Variants in CNTNAP2 observed in about 807,000 individuals in gnomAD.
CNTNAP2 encodes the protein contactin associated protein 2.
In CNTNAP2, 98 loss-of-function variants were observed where a neutral mutation model predicts 155.2. That is an observed-to-expected ratio of 0.63 (90% CI 0.54 to 0.75). The LOEUF (loss-of-function observed/expected upper bound fraction) is 0.75. Among genes scored for constraint, CNTNAP2 ranks in the 30% least tolerant of loss-of-function variants. CNTNAP2 has a pLI of 0.00. For missense variants in CNTNAP2, 1,727 were observed against 1,688.1 expected (o/e 1.02, Z -0.40); for synonymous variants, 651 against 631.2 (o/e 1.03, Z -0.47).
At chr7:147,447,777 A>G (rs761663638) in intron 10 of CNTNAP2, among the ~76,000 whole-genome samples, 52 of 151,830 alleles carry the variant, frequency 3.4e-4, no homozygotes, top group Admixed American at 2.8e-3. Flanking sequence ...ATATTCTACA[A>G]TGAATATATG....
chr7:148,165,161 G>A (rs933787878), intron 17 of CNTNAP2, among the ~76,000 whole-genome samples: 2 of 152,146 alleles, frequency 1.3e-5, no homozygotes, highest in South Asian at 2.1e-4. Context: ...TGTGTCCGTA[G>A]GGTTGCTTTC....
intron 1 of CNTNAP2, among the ~76,000 whole-genome samples, chr7:146,141,500 A>G (rs895926999): frequency 6.6e-6 from 1 of 152,182 alleles, no homozygotes; most frequent in African/African-American, 2.4e-5. Context: ...TATAAGAAAT[A>G]TAGTTTTCAT....
intron 10 of CNTNAP2, among the ~76,000 whole-genome samples, chr7:147,480,122 G>C (rs373417194): frequency 2.0e-5 from 3 of 152,096 alleles, no homozygotes; most frequent in African/African-American, 7.2e-5. Context: ...AGAGTCACGA[G>C]TATGAAAAAC....
chr7:146,747,585 T>G (rs1801830477), intron 1 of CNTNAP2, among the ~76,000 whole-genome samples: 1 of 152,190 alleles, frequency 6.6e-6, no homozygotes, highest in South Asian at 2.1e-4. Flanking sequence ...TCAATATATG[T>G]TAAAGCATTA....
chr7:147,395,462 CT>C, intron 9 of CNTNAP2, 146 bp from the exon 10 acceptor site: 1 of 772,924 alleles, frequency 1.3e-6, no homozygotes, highest in Non-Finnish European at 2.1e-6. Flanking sequence ...AAAAAACTTC[CT>C]TTTTCTACAC....
rs182751461 is a variant in CNTNAP2, at chr7:146,676,233, G to A, written c.98-98038G>A. 4.8e-3 allele frequency among the ~76,000 whole-genome samples: 734 copies of A among 152,022 alleles called. 2 individuals are homozygous for A. The highest frequency in any genetic ancestry group is 8.0e-3 in the Non-Finnish European group (542 of 67,976). ...TAATTGTAATTATCAATAAATATGC[G>A]AAATCTAAACATTCATTGGCAAATA... On this transcript the variant is annotated intron_variant, in intron 1 of 23. Coordinates refer to ENST00000361727, the MANE Select transcript of CNTNAP2 (RefSeq NM_014141.6).
chr7:148,201,446 A>G (rs6956460), intron 18 of CNTNAP2, among the ~76,000 whole-genome samples: 14,528 of 152,224 alleles, frequency 0.095, 816 homozygotes, highest in East Asian at 0.21. Context: ...CTTGAAATTT[A>G]TAATTTAGTT....
chr7:147,301,837 G>A (rs1378262536), intron 9 of CNTNAP2, among the ~76,000 whole-genome samples: 2 of 152,040 alleles, frequency 1.3e-5, no homozygotes, highest in East Asian at 3.9e-4. Flanking sequence ...GGAAACAGAG[G>A]AGGCCCTAGG....
At chr7:148,227,931 GT>G (rs1795884842) in intron 19 of CNTNAP2, among the ~76,000 whole-genome samples, 1 of 148,492 alleles carries the variant, frequency 6.7e-6, no homozygotes, top group Admixed American at 6.7e-5. Flanking sequence ...GTGTGTGTGT[GT>G]GTGAAAGTCT....
chr7:147,604,286 A>C (rs1220785814), intron 12 of CNTNAP2, among the ~76,000 whole-genome samples: 3 of 151,888 alleles, frequency 2.0e-5, no homozygotes, highest in African/African-American at 7.3e-5. Context: ...GTGAACAGGC[A>C]ACCTACAAAA....
rs141270447 is a variant in CNTNAP2 at position 146,642,106 on chromosome 7, ATTTTG to A, written c.98-132149_98-132145del. Among the ~76,000 whole-genome samples, 709 of 151,912 alleles carry A rather than the reference ATTTTG, an allele frequency of 4.7e-3. 20 individuals are homozygous for A. In the East Asian group the frequency reaches 0.048, roughly 10 times the overall value. ...TTATCATAACTTATTTAAAAGACAA[ATTTTG>A]TTTTGTTTTGTTTTGGTTTTTTATT... On this transcript the variant is annotated intron_variant, in intron 1 of 23. Transcript: ENST00000361727.
chr7:147,411,046 C>T (rs945005782), intron 10 of CNTNAP2, among the ~76,000 whole-genome samples: 1 of 152,148 alleles, frequency 6.6e-6, no homozygotes, highest in Non-Finnish European at 1.5e-5. Context: ...ATCTCAGAGA[C>T]AATGCAGATC....
At chr7:147,428,925 C>G (rs1201800367) in intron 10 of CNTNAP2, among the ~76,000 whole-genome samples, 1 of 151,800 alleles carries the variant, frequency 6.6e-6, no homozygotes, top group Non-Finnish European at 1.5e-5. Flanking sequence ...TCTCTCTCAT[C>G]CCCCTCCCAC....
intron 1 of CNTNAP2, among the ~76,000 whole-genome samples, chr7:146,252,180 A>T (rs1359576419): frequency 6.6e-6 from 1 of 152,222 alleles, no homozygotes; most frequent in East Asian, 1.9e-4. Flanking sequence ...GGCTGCTCAT[A>T]TTCATTAGCC....
chr7:148,365,735 T>C lies in CNTNAP2; in HGVS notation c.3476-17914T>C, dbSNP rs113750101. Reference sequence around the variant, plus strand: ...ATATATGTATACGTGTATATATGTATGTGTATACATGTATACATGTATGTG... The same window carrying C: ...ATATATGTATACGTGTATATATGTACGTGTATACATGTATACATGTATGTG... On this transcript the variant is annotated intron_variant, in intron 21 of 23. Transcript: ENST00000361727. 5.5e-5 allele frequency among the ~76,000 whole-genome samples: 4 copies of C among 72,320 alleles called. 1 individual carries two copies. The highest frequency in any genetic ancestry group is 4.2e-5 in the African/African-American group (1 of 23,736). The allele number at this position is 72,320 out of a possible 152,430, so 47.4% of individuals were successfully genotyped here.
intron 18 of CNTNAP2, among the ~76,000 whole-genome samples, chr7:148,191,161 G>C (rs555926455): frequency 6.6e-6 from 1 of 152,214 alleles, no homozygotes; most frequent in Admixed American, 6.5e-5. Context: ...TGTTTAGGTC[G>C]TGAGGACTCC....
chr7:148,075,223 C>T (rs905685818), intron 15 of CNTNAP2, among the ~76,000 whole-genome samples: 15 of 152,096 alleles, frequency 9.9e-5, no homozygotes, highest in East Asian at 9.7e-4. Flanking sequence ...GATCACCTGA[C>T]GTTAGGAGTT....
At chr7:147,688,982 C>T (rs532821615) in intron 13 of CNTNAP2, among the ~76,000 whole-genome samples, 1 of 152,188 alleles carries the variant, frequency 6.6e-6, no homozygotes, top group South Asian at 2.1e-4. Flanking sequence ...AGTTATTCCC[C>T]TTATTTAACC....
chr7:148,386,656 T>C (rs1411181589), intron 22 of CNTNAP2, among the ~76,000 whole-genome samples: 1 of 152,014 alleles, frequency 6.6e-6, no homozygotes, highest in Non-Finnish European at 1.5e-5. Flanking sequence ...GACGTAGAAA[T>C]GAGGGAAGGT....
Sources: gnomAD v4.1 joint callset for allele counts (sites outside exome capture counted in the v4.1 genomes callset) on GRCh38, gnomAD v4.1.1 for gene constraint, MANE v1.5 for transcripts, NCBI Gene and HGNC (gene_info 2026-07-23, HGNC 2026-07-21) for gene names.